Variants in SYNRG observed in about 807,000 individuals in gnomAD.
SYNRG encodes the protein AP1 gamma subunit binding protein 1.
Under a neutral mutation model 130.9 loss-of-function variants are expected in SYNRG, and 37 were observed. That is an observed-to-expected ratio of 0.28 (90% CI 0.22 to 0.37). The LOEUF (loss-of-function observed/expected upper bound fraction) is 0.37, where lower values mean the gene tolerates loss of function less well. Ranked by LOEUF, SYNRG falls within the 10% of genes least tolerant of loss-of-function variation. SYNRG has a pLI of 1.00. For synonymous variants in SYNRG, 539 were observed against 568.1 expected, an observed-to-expected ratio of 0.95 and a Z score of 0.73; for missense variants, 1,338 against 1,588.9, an observed-to-expected ratio of 0.84 and a Z score of 2.68.
chr17:37,556,447 G>A (rs778041372), intron 13 of SYNRG, among the ~76,000 whole-genome samples: 16 of 148,920 alleles, frequency 1.1e-4, no homozygotes, highest in East Asian at 7.9e-4. Context: ...GCAAAACTCC[G>A]TATCAAAATA....
chr17:37,580,778 C>T (rs1159455474), intron 6 of SYNRG, among the ~76,000 whole-genome samples: 1 of 152,034 alleles, frequency 6.6e-6, no homozygotes, highest in East Asian at 1.9e-4. Flanking sequence ...CATGATCTAC[C>T]TGCCTTGGCC....
chr17:37,594,297 C>T (rs935151659), intron 3 of SYNRG, among the ~76,000 whole-genome samples: 16 of 144,340 alleles, frequency 1.1e-4, no homozygotes, highest in African/African-American at 3.5e-4. Context: ...ATATTAATTA[C>T]AATATTAATT....
At chr17:37,595,863 T>C (rs2084962230) in intron 3 of SYNRG, among the ~76,000 whole-genome samples, 2 of 151,904 alleles carry the variant, frequency 1.3e-5, no homozygotes, top group Non-Finnish European at 1.5e-5. Context: ...TAAGGGATTG[T>C]CCTGCCTCAG....
At chr17:37,607,968 A>AC (rs2063933349) in intron 1 of SYNRG, among the ~76,000 whole-genome samples, 33 of 148,376 alleles carry the variant, frequency 2.2e-4, no homozygotes, top group African/African-American at 8.1e-4. Context: ...AAAAAAAAAA[A>AC]AAAAAAAAAA....
chr17:37,565,188 T>C (rs2059835402), intron 11 of SYNRG, among the ~76,000 whole-genome samples: 1 of 151,854 alleles, frequency 6.6e-6, no homozygotes, highest in Non-Finnish European at 1.5e-5. Flanking sequence ...CACTTGAACC[T>C]GGGAGGCAGA....
At position 37,520,305 on chromosome 17, in the gene SYNRG, C is replaced by G. The variant is rs532486626; in HGVS notation, c.3778-91G>C. The G allele has an allele frequency of 1.8e-5, 28 of 1,534,304 alleles. No homozygotes were observed. In the South Asian group the frequency reaches 2.4e-4, roughly 13 times the overall value. On this transcript the variant is annotated intron_variant, in intron 20 of 21. Coordinates refer to ENST00000612223, the MANE Select transcript of SYNRG (RefSeq NM_007247.6). ...ATCTTTACAGGTTCACCCTTTTCCC[C>G]TGACCTCCCCACTATGCACAGGGTG...
intron 14 of SYNRG, among the ~76,000 whole-genome samples, chr17:37,552,560 G>C (rs2145336933): frequency 6.6e-6 from 1 of 152,178 alleles, no homozygotes; most frequent in South Asian, 2.1e-4. Context: ...GCCAGGCCCT[G>C]ACATACAGAA....
intron 11 of SYNRG, chr17:37,566,975 A>G (rs1172044316): frequency 2.0e-5 from 3 of 152,252 alleles, no homozygotes; most frequent in Non-Finnish European, 4.4e-5. Context: ...AGCAATTACA[A>G]TTAGGGCACA....
intron 17 of SYNRG, 64 bp downstream of exon 17, chr17:37,539,128 C>T (rs947117813): frequency 6.2e-7 from 1 of 1,601,212 alleles, no homozygotes; most frequent in South Asian, 1.1e-5. Context: ...TCAAATGAAC[C>T]AAGAAGGCAA....
At chr17:37,588,741 C>CTTT (rs36030652) in intron 3 of SYNRG, among the ~76,000 whole-genome samples, 3 of 144,136 alleles carry the variant, frequency 2.1e-5, no homozygotes, top group African/African-American at 2.5e-5. Context: ...TAGAATTATT[C>CTTT]TTTTTTTTTT....
At position 37,539,264 on chromosome 17, in the gene SYNRG, G is replaced by C. The variant is rs372771671; in HGVS notation, c.3367-19C>G. 1,047 of 1,613,286 alleles carry C rather than the reference G, an allele frequency of 6.5e-4. 2 individuals are homozygous for C. Among genetic ancestry groups the C allele is most frequent in the Middle Eastern group, 1.3e-3 (8 of 6,062 alleles). Reference sequence around the variant, plus strand: ...CATTTTCCTGTGAATTTGTTAAAAAGAACTGGGTTAAACACACAAACCTGG... The same window carrying C: ...CATTTTCCTGTGAATTTGTTAAAAACAACTGGGTTAAACACACAAACCTGG... On this transcript the variant is annotated intron_variant, in intron 16 of 21. Transcript: ENST00000612223.
intron 16 of SYNRG, among the ~76,000 whole-genome samples, chr17:37,539,823 C>T (rs931498245): frequency 2.0e-5 from 3 of 152,218 alleles, no homozygotes; most frequent in Non-Finnish European, 2.9e-5. Flanking sequence ...CAGTGTAAGC[C>T]TTTCTTCGGA....
At chr17:37,543,438 T>G (rs777419928) in intron 14 of SYNRG, among the ~76,000 whole-genome samples, 6 of 152,222 alleles carry the variant, frequency 3.9e-5, no homozygotes, top group Non-Finnish European at 7.4e-5. Context: ...GCATAAAGAA[T>G]GTAGGTTTTT....
chr17:37,519,000 G>A lies in SYNRG; in HGVS notation c.3885C>T (p.Asn1295=), dbSNP rs546556916. ...TTGGTTCGACACAGTTGATCCAGAA[G>A]TTGGCACAGCTGGCGTGATACTGGT... ...GGHQYHASCA[N]FWINCVEPKP... Residue 1295 remains asparagine, a synonymous_variant, in exon 22 of 22, where the codon AAC becomes AAT. Transcript: ENST00000612223. 1 of 1,614,244 alleles carries A rather than the reference G, an allele frequency of 6.2e-7. No individual in the cohort carries two copies. Among genetic ancestry groups the A allele is most frequent in the African/African-American group, 1.3e-5 (1 of 75,070 alleles).
At chr17:37,596,182 A>T (rs762354447) in intron 3 of SYNRG, 41 bp downstream of exon 3, 1 of 1,605,824 alleles carries the variant, frequency 6.2e-7, no homozygotes, top group East Asian at 2.2e-5. Flanking sequence ...ACGTAACAAC[A>T]AACAATAACT....
At position 37,556,267 on chromosome 17, in the gene SYNRG, T is replaced by C. The variant is rs567370658; in HGVS notation, c.1664-2208A>G. Among the ~76,000 whole-genome samples the C allele has an allele frequency of 2.5e-3, 382 of 151,980 alleles. 1 individual carries two copies. The highest frequency in any genetic ancestry group is 8.9e-3 in the African/African-American group (368 of 41,480). ...GAGTTTGAGACCAGCCTGGCCAACA[T>C]AGTGAAACCCCATCTCTACTAAAAA... On this transcript the variant is annotated intron_variant, in intron 13 of 21. Coordinates refer to ENST00000612223, the MANE Select transcript of SYNRG (RefSeq NM_007247.6).
intron 3 of SYNRG, among the ~76,000 whole-genome samples, chr17:37,592,728 G>C (rs796535983): frequency 1.2e-4 from 19 of 152,290 alleles, no homozygotes; most frequent in African/African-American, 4.1e-4. Flanking sequence ...TATAGAAATG[G>C]GGAACACACT....
chr17:37,577,914 G>A (rs1008454247), intron 6 of SYNRG, among the ~76,000 whole-genome samples: 25 of 150,974 alleles, frequency 1.7e-4, no homozygotes, highest in Admixed American at 1.3e-3. Context: ...TAGACAGGCT[G>A]GTCTCGAACT....
At chr17:37,521,513 G>C (rs2055053012) in intron 19 of SYNRG, among the ~76,000 whole-genome samples, 1 of 152,138 alleles carries the variant, frequency 6.6e-6, no homozygotes, top group South Asian at 2.1e-4. Flanking sequence ...GCAGGGCCCA[G>C]GGAAAGAGGA....
Sources: gnomAD v4.1 joint callset for allele counts (sites outside exome capture counted in the v4.1 genomes callset) on GRCh38, gnomAD v4.1.1 for gene constraint, MANE v1.5 for transcripts, NCBI Gene and HGNC (gene_info 2026-07-23, HGNC 2026-07-21) for gene names.